The following AP5Z1 variants were observed in gnomAD, a reference collection of about 807,000 sequenced individuals.
AP5Z1 encodes the protein adaptor related protein complex 5 subunit zeta 1.
Under a neutral mutation model 83.0 loss-of-function variants are expected in AP5Z1, and 106 were observed. The ratio of observed to expected loss-of-function variants is 1.28; its 90% confidence interval spans 1.09 to 1.50. AP5Z1 has a LOEUF of 1.50. Ranked by LOEUF, AP5Z1 falls within the 40% of genes most tolerant of loss-of-function variation. The probability of loss-of-function intolerance (pLI) is 0.00; values close to 1 mark genes in which losing one functional copy is unlikely to be tolerated. For synonymous variants in AP5Z1, 751 were observed against 514.1 expected (o/e 1.46, Z -6.23); for missense variants, 1,565 against 1,094.2 (o/e 1.43, Z -6.07).
rs1298518828 is a variant in AP5Z1, at chr7:4,781,234, C to G, written c.101C>G (p.Ala34Gly). 3.1e-6 allele frequency: 5 copies of G among 1,613,752 alleles called. No individual in the cohort carries two copies. The highest frequency in any genetic ancestry group is 4.2e-6 in the Non-Finnish European group (5 of 1,179,670). The change falls in exon 2 of 17, where the codon GCG (alanine) becomes GGG (glycine). Residue 34 changes from alanine (A) to glycine (G), a missense_variant. Coordinates refer to ENST00000649063, the MANE Select transcript of AP5Z1 (RefSeq NM_014855.3). ...TCCCGGATCTGTAAACTGCTGCAGG[C>G]GGAGGACTTGGGGCCGGACACCCTC... is the stretch of plus-strand genomic sequence containing the variant. ...FCSRICKLLQ[A>G]EDLGPDTLDS...
chr7:4,788,884 C>T lies in AP5Z1; in HGVS notation c.1640C>T (p.Ala547Val). ...CTGCTGCAGCCCATGGCCGGCTGTG[C>T]CCGCGTGGCCCAGTGTGCCCAGGCC... ...HQLLQPMAGC[A>V]RVAQCAQAVP... is the part of the protein sequence containing the mutation. The change falls in exon 13 of 17, where the codon GCC (alanine) becomes GTC (valine). Residue 547 changes from alanine (A) to valine (V), a missense_variant. Coordinates refer to ENST00000649063, the MANE Select transcript of AP5Z1 (RefSeq NM_014855.3). The T allele has an allele frequency of 6.2e-7, 1 of 1,610,414 alleles. No homozygotes were observed.
At chr7:4,782,854 C>T (rs557864340) in intron 3 of AP5Z1, among the ~76,000 whole-genome samples, 19 of 152,330 alleles carry the variant, frequency 1.2e-4, no homozygotes, top group East Asian at 5.8e-4. Context: ...CCGCCCGGCA[C>T]GTGGCCTCCC....
intron 14 of AP5Z1, 62 bp downstream of exon 14, chr7:4,789,991 C>CCT: frequency 1.1e-6 from 1 of 904,898 alleles, no homozygotes; most frequent in Non-Finnish European, 1.5e-6. Flanking sequence ...TCCTCCCCCT[C>CCT]TCCCCTCCCC....
At chr7:4,784,126 T>C in intron 5 of AP5Z1, 77 bp from the exon 6 acceptor site, 1 of 1,478,948 alleles carries the variant, frequency 6.8e-7, no homozygotes, top group Admixed American at 2.2e-5. Flanking sequence ...CTCCACCTCC[T>C]GAGGAGCTTG....
intron 1 of AP5Z1, among the ~76,000 whole-genome samples, chr7:4,780,781 T>C (rs528108388): frequency 9.2e-5 from 14 of 152,162 alleles, no homozygotes; most frequent in African/African-American, 3.4e-4. Context: ...AAAAAAAAAT[T>C]TATTCTTGTT....
In AP5Z1 at chr7:4,791,311, A is replaced by G. The variant is rs1483608166; in HGVS notation, c.2350A>G (p.Asn784Asp). ...VCSPRYHRDANTALPLALRTV... is the reference protein window; with the variant it reads ...VCSPRYHRDADTALPLALRTV... Reference sequence around the variant, plus strand: ...CAGCCCCCGCTATCACCGCGATGCCAACACGGCCCTGCCCCTGGCCCTGCG... The same window carrying G: ...CAGCCCCCGCTATCACCGCGATGCCGACACGGCCCTGCCCCTGGCCCTGCG... Residue 784 changes from asparagine (N) to aspartate (D), a missense_variant, in exon 17 of 17, where the codon AAC (asparagine) becomes GAC (aspartate). Transcript: ENST00000649063. 2 of 1,612,028 alleles carry G rather than the reference A, an allele frequency of 1.2e-6. No individual in the cohort carries two copies. The highest frequency in any genetic ancestry group is 2.2e-5 in the East Asian group (1 of 44,862).
intron 10 of AP5Z1, 136 bp from the exon 11 acceptor site, chr7:4,787,493 TAAAAA>T (rs2115117888): frequency 7.8e-7 from 1 of 1,277,516 alleles, no homozygotes; most frequent in East Asian, 2.6e-5. Flanking sequence ...CTCAAAAAAA[TAAAAA>T]GCGGGAGGAG....
chr7:4,789,044 A>G, intron 13 of AP5Z1, 93 bp downstream of exon 13: 1 of 1,108,346 alleles, frequency 9.0e-7, no homozygotes, highest in Non-Finnish European at 1.3e-6. Flanking sequence ...TGAGCTCTGC[A>G]GAAGGCTGCT....
rs1364005933 is a variant in AP5Z1, at chr7:4,785,521, G to A, written c.970-1G>A. ...CATTTGATGTGGTCCATGTCCCGCA[G>A]TGCCTGGTGGAGGCCGTGCTGGTGC... is the stretch of plus-strand genomic sequence containing the variant. On this transcript the variant is annotated splice_acceptor_variant, in intron 8 of 16. Coordinates refer to ENST00000649063, the MANE Select transcript of AP5Z1 (RefSeq NM_014855.3). LOFTEE classifies it high-confidence loss of function. The A allele has an allele frequency of 3.7e-6, 6 of 1,613,214 alleles. No homozygotes were observed. In the African/African-American group the frequency reaches 5.3e-5, roughly 14 times the overall value.
At position 4,781,178 on chromosome 7, in the gene AP5Z1, G is replaced by C; in HGVS notation, c.45G>C (p.Glu15Asp). Residue 15 changes from glutamate to aspartate, a missense_variant, in exon 2 of 17, where the codon GAG becomes GAC. Transcript: ENST00000649063. Reference sequence around the variant, plus strand: ...TGAAGTCCTCTTCTTTGTTTAGGGAGATCCAGGACGAGGAGCTGAAGAAGT... The same window carrying C: ...TGAAGTCCTCTTCTTTGTTTAGGGACATCCAGGACGAGGAGCTGAAGAAGT... ...GAESLLHQAR[E>D]IQDEELKKFC... The C allele has an allele frequency of 6.2e-7, 1 of 1,613,914 alleles. No individual in the cohort carries two copies. The highest frequency in any genetic ancestry group is 8.5e-7 in the Non-Finnish European group (1 of 1,179,836).
rs189971852 is a variant in AP5Z1 at position 4,780,093 on chromosome 7, C to T, written c.42-1082C>T. Among the ~76,000 whole-genome samples the T allele has an allele frequency of 4.3e-3, 651 of 152,236 alleles. 3 individuals carry two copies. The highest frequency in any genetic ancestry group is 0.015 in the African/African-American group (627 of 41,544). On this transcript the variant is annotated intron_variant, in intron 1 of 16. Transcript: ENST00000649063. ...GGAGGGCACAGCCACGTAGGGGGCC[C>T]TTCTCAGGGAGTCCCCAGAGTCCCC...
chr7:4,777,351 C>CTATTTATT (rs1256767624), intron 1 of AP5Z1, among the ~76,000 whole-genome samples: 1 of 139,248 alleles, frequency 7.2e-6, no homozygotes, highest in Non-Finnish European at 1.5e-5. Context: ...AGGAAGAGCC[C>CTATTTATT]TCTTTATTTA....
In AP5Z1 at chr7:4,784,243, ACTT is replaced by A. The variant is rs1229732134; in HGVS notation, c.667_669del (p.Phe223del). 1 of 1,594,628 alleles carries A rather than the reference ACTT, an allele frequency of 6.3e-7. No individual in the cohort carries two copies. The highest frequency in any genetic ancestry group is 8.5e-7 in the Non-Finnish European group (1 of 1,172,434). ...GAGGTGGACGGGGCGGTAGCCACAG[ACTT>A]CTTCACGGTGCTCTCCAGCGGCCAC... is the stretch of plus-strand genomic sequence containing the variant. On this transcript the variant is annotated inframe_deletion, in exon 6 of 17. Coordinates refer to ENST00000649063, the MANE Select transcript of AP5Z1 (RefSeq NM_014855.3).
At position 4,775,752 on chromosome 7, in the gene AP5Z1, G is replaced by C. The variant is rs1262433596; in HGVS notation, c.37G>C (p.Ala13Pro). 6.2e-7 allele frequency: 1 copy of C among 1,605,002 alleles called. No homozygotes were observed. Among genetic ancestry groups the C allele is most frequent in the Non-Finnish European group, 8.5e-7 (1 of 1,179,668 alleles). ...SAGAESLLHQAREIQDEELKK... is the reference protein window; with the variant it reads ...SAGAESLLHQPREIQDEELKK... The stretch of plus-strand genomic sequence containing the variant: ...AGGAGCGGAGAGTTTGCTCCACCAG[G>C]CCAGGTACGGGGGAGCTGCGGCCCC... Residue 13 changes from alanine to proline, a missense_variant, in exon 1 of 17, where the codon GCC becomes CCC. By Grantham distance (27) the Ala-to-Pro change is conservative. Coordinates refer to ENST00000649063, the MANE Select transcript of AP5Z1 (RefSeq NM_014855.3).
In AP5Z1 at chr7:4,776,992, G is replaced by A. The variant is rs576428669; in HGVS notation, c.41+1236G>A. 2.0e-4 allele frequency among the ~76,000 whole-genome samples: 30 copies of A among 152,280 alleles called. 1 individual carries two copies. The South Asian group carries it at 4.1e-3, about 21-fold the overall frequency. Reference sequence around the variant, plus strand: ...AAAGATTCGGGTGGTTGAAATTGCTGTGATTATAGTGAGTGAGGTCTTGAA... The same window carrying A: ...AAAGATTCGGGTGGTTGAAATTGCTATGATTATAGTGAGTGAGGTCTTGAA... On this transcript the variant is annotated intron_variant, in intron 1 of 16. Transcript: ENST00000649063.
rs141779655 is a variant in AP5Z1, at chr7:4,788,092, C to T, written c.1455-62C>T. 5.6e-4 allele frequency: 824 copies of T among 1,459,158 alleles called. 3 individuals carry two copies. In the African/African-American group the frequency reaches 9.9e-3, roughly 17 times the overall value. The allele number at this position is 1,459,158 out of a possible 1,614,324, so 90.4% of individuals were successfully genotyped here. A position where few individuals can be genotyped will look rare whatever the true frequency, so the allele number is the denominator to read the frequency against. ...GGACACCTGCCGTGTGTCTCCCTGA[C>T]GGGGGTGCCCTTGAGTGCAGGGGCC... On this transcript the variant is annotated intron_variant, in intron 11 of 16. Transcript: ENST00000649063.
At chr7:4,786,501 G>T in intron 10 of AP5Z1, 73 bp downstream of exon 10, 1 of 1,558,824 alleles carries the variant, frequency 6.4e-7, no homozygotes, top group Non-Finnish European at 8.8e-7. Context: ...TCTTTCCAGC[G>T]GGGTTCAGGG....
At chr7:4,787,240 C>T (rs554603566) in intron 10 of AP5Z1, among the ~76,000 whole-genome samples, 13 of 152,136 alleles carry the variant, frequency 8.5e-5, no homozygotes, top group African/African-American at 3.1e-4. Context: ...CACCTGTAAT[C>T]CCAGCACCTC....
chr7:4,780,806 G>A (rs1781361438), intron 1 of AP5Z1, among the ~76,000 whole-genome samples: 1 of 152,138 alleles, frequency 6.6e-6, no homozygotes, highest in Non-Finnish European at 1.5e-5. Flanking sequence ...TAAGCAAAAG[G>A]CTCATTGAAG....
Sources: allele counts gnomAD v4.1 joint callset (sites outside exome capture counted in the v4.1 genomes callset), GRCh38; gene constraint gnomAD v4.1.1; transcripts MANE v1.5; gene names NCBI Gene and HGNC (gene_info 2026-07-23, HGNC 2026-07-21).